DNAAF11: variants seen among roughly 807,000 people sequenced by gnomAD.
The protein encoded by DNAAF11 is dynein axonemal assembly factor 11.
In DNAAF11, 45 loss-of-function variants were observed where a neutral mutation model predicts 60.8. The ratio of observed to expected loss-of-function variants is 0.74; its 90% confidence interval spans 0.58 to 0.95. The LOEUF is 0.95. Among genes scored for constraint, DNAAF11 ranks in the 40% least tolerant of loss-of-function variants. The pLI is 0.00. For synonymous variants in DNAAF11, 191 were observed against 183.5 expected, an observed-to-expected ratio of 1.04 and a Z score of -0.33; for missense variants, 546 against 546.2, an observed-to-expected ratio of 1.00 and a Z score of 0.00.
At chr8:132,701,040 A>C in the DNAAF11 span, among the ~76,000 whole-genome samples, 1 of 152,152 alleles carries the variant, frequency 6.6e-6, no homozygotes, top group Non-Finnish European at 1.5e-5. Context: ...GGGAAGATGG[A>C]AGGGCAAGAA....
chr8:132,668,698 T>A (rs929952788), intron 1 of DNAAF11, among the ~76,000 whole-genome samples: 5 of 151,860 alleles, frequency 3.3e-5, no homozygotes, highest in Admixed American at 6.6e-5. Context: ...CCCCTCAGCC[T>A]CCCAAAGGGC....
chr8:132,665,197 G>T (rs2130843510), intron 1 of DNAAF11, among the ~76,000 whole-genome samples: 1 of 152,178 alleles, frequency 6.6e-6, no homozygotes, highest in East Asian at 1.9e-4. Context: ...GTTACACAGT[G>T]CTGCTTCACC....
At chr8:132,681,019 T>TTTTTTTTTG in the DNAAF11 span, among the ~76,000 whole-genome samples, 1 of 120,350 alleles carries the variant, frequency 8.3e-6, no homozygotes, top group African/African-American at 3.4e-5. Context: ...TTTTTTTTTT[T>TTTTTTTTTG]TTTTTTTTGA....
At chr8:132,639,931 CAAGG>C (rs1821694231) in intron 3 of DNAAF11, among the ~76,000 whole-genome samples, 1 of 151,718 alleles carries the variant, frequency 6.6e-6, no homozygotes, top group Non-Finnish European at 1.5e-5. Flanking sequence ...GAAAAAAATA[CAAGG>C]AAAAGAAAAT....
chr8:132,592,688 G>A (rs1461141937), intron 10 of DNAAF11, among the ~76,000 whole-genome samples: 3 of 152,116 alleles, frequency 2.0e-5, no homozygotes, highest in Non-Finnish European at 2.9e-5. Context: ...TATGAAAAGA[G>A]GAAGTCTATT....
At chr8:132,586,884 T>C (rs1024774965) in intron 10 of DNAAF11, among the ~76,000 whole-genome samples, 8 of 152,284 alleles carry the variant, frequency 5.3e-5, no homozygotes, top group African/African-American at 1.9e-4. Context: ...ATATTTTGCA[T>C]GCTCGTCTGC....
intron 10 of DNAAF11, among the ~76,000 whole-genome samples, chr8:132,605,804 G>A (rs1818067572): frequency 6.6e-6 from 1 of 152,118 alleles, no homozygotes; most frequent in Admixed American, 6.6e-5. Flanking sequence ...TCTTGGGGAA[G>A]GACATTCTGG....
Position 132,622,649 on chromosome 8 carries a change from G to A in DNAAF11, c.876C>T (p.Ile292=). 1.2e-6 allele frequency: 2 copies of A among 1,613,702 alleles called. No homozygotes were observed. Among genetic ancestry groups the A allele is most frequent in the South Asian group, 1.1e-5 (1 of 91,014 alleles). The change falls in exon 7 of 12, where the codon ATC becomes ATT. Residue 292 remains isoleucine, a synonymous_variant. Transcript: ENST00000620350. ...KKKVKPPRTL[I]TEDGKALNVN... is the part of the protein sequence containing the mutation. ...CATTTAGGGCTTTCCCATCTTCAGT[G>A]ATCAAAGTCCTGGGTGGTTTCACTT...
intron 1 of DNAAF11, chr8:132,675,134 A>G: frequency 3.2e-6 from 1 of 309,666 alleles, no homozygotes; most frequent in Non-Finnish European, 5.9e-6. Context: ...GTTCACAGCC[A>G]GTAAGGAGCC....
At chr8:132,617,419 G>T (rs887740744) in intron 7 of DNAAF11, among the ~76,000 whole-genome samples, 3 of 152,138 alleles carry the variant, frequency 2.0e-5, no homozygotes, top group Admixed American at 6.5e-5. Context: ...ATTGTGAATG[G>T]GAGTTCACTC....
chr8:132,572,416 T>C lies in DNAAF11; in HGVS notation c.1291A>G (p.Ile431Val). ...SKHSFPDVTNIVQEKKHTPRR... is the reference protein window; with the variant it reads ...SKHSFPDVTNVVQEKKHTPRR... The stretch of plus-strand genomic sequence containing the variant: ...GGTGTGTGTTTTTTCTCTTGAACTA[T>C]GTTAGTCACATCAGGGAATGAGTGC... The change falls in exon 12 of 12, where the codon ATA (isoleucine) becomes GTA (valine). Residue 431 changes from isoleucine (I) to valine (V), a missense_variant. Coordinates refer to ENST00000620350, the MANE Select transcript of DNAAF11 (RefSeq NM_012472.6). The C allele has an allele frequency of 5.0e-6, 8 of 1,613,674 alleles. No individual in the cohort carries two copies. Among genetic ancestry groups the C allele is most frequent in the South Asian group, 1.1e-5 (1 of 91,014 alleles).
At chr8:132,624,103 A>G (rs1353384585) in intron 6 of DNAAF11, among the ~76,000 whole-genome samples, 56 of 152,198 alleles carry the variant, frequency 3.7e-4, no homozygotes, top group Non-Finnish European at 1.2e-4. Flanking sequence ...CTACATACCC[A>G]CAGATATATA....
At chr8:132,613,465 A>C (rs1390034884) in intron 8 of DNAAF11, among the ~76,000 whole-genome samples, 1 of 152,222 alleles carries the variant, frequency 6.6e-6, no homozygotes, top group Non-Finnish European at 1.5e-5. Context: ...TTAATATGAA[A>C]TATCCCAAAT....
chr8:132,646,195 G>A (rs1415680657), intron 3 of DNAAF11, among the ~76,000 whole-genome samples: 1 of 152,146 alleles, frequency 6.6e-6, no homozygotes, highest in East Asian at 1.9e-4. Flanking sequence ...CATTCTTAAA[G>A]AAAAGAATTT....
At chr8:132,616,064 G>T (rs1414750758) in intron 7 of DNAAF11, among the ~76,000 whole-genome samples, 1 of 151,966 alleles carries the variant, frequency 6.6e-6, no homozygotes, top group Non-Finnish European at 1.5e-5. Flanking sequence ...CTCCTGCTCT[G>T]CCTCGATTGC....
intron 10 of DNAAF11, among the ~76,000 whole-genome samples, chr8:132,600,056 A>G (rs1586538668): frequency 6.6e-6 from 1 of 152,372 alleles, no homozygotes; most frequent in East Asian, 1.9e-4. Context: ...CCTTAAGCTG[A>G]TAAGCAACTT....
intron 1 of DNAAF11, among the ~76,000 whole-genome samples, chr8:132,673,673 A>G (rs1392685075): frequency 6.6e-6 from 1 of 151,798 alleles, no homozygotes; most frequent in Non-Finnish European, 1.5e-5. Flanking sequence ...TGGGCAATTC[A>G]CTGAGCTTTC....
Sources: gnomAD v4.1 joint callset for allele counts (sites outside exome capture counted in the v4.1 genomes callset) on GRCh38, gnomAD v4.1.1 for gene constraint, MANE v1.5 for transcripts, NCBI Gene and HGNC (gene_info 2026-07-23, HGNC 2026-07-21) for gene names.